Variants in MAST4 observed in about 807,000 individuals in gnomAD.
MAST4 encodes microtubule associated serine/threonine kinase family member 4, also known as microtubule-associated serine/threonine-protein kinase 4.
In MAST4, 89 loss-of-function variants were observed where a neutral mutation model predicts 162.7. The observed-to-expected ratio is 0.55, with a 90% CI of 0.46 to 0.65. The LOEUF (loss-of-function observed/expected upper bound fraction) is 0.65. MAST4 is among the 30% of genes least tolerant of loss of function. The pLI, the probability that MAST4 is intolerant of heterozygous loss-of-function variation, is 0.00. For synonymous variants in MAST4, 1,479 were observed against 1,361.1 expected (o/e 1.09, Z -1.91); for missense variants, 3,153 against 3,374.0 (o/e 0.93, Z 1.62).
chr5:66,639,373 A>G (rs1745338188), intron 1 of MAST4, among the ~76,000 whole-genome samples: 1 of 151,888 alleles, frequency 6.6e-6, no homozygotes, highest in Non-Finnish European at 1.5e-5. Flanking sequence ...GGAAACATAG[A>G]AGAGGAAACA....
intron 1 of MAST4, among the ~76,000 whole-genome samples, chr5:66,705,524 G>C (rs1346484284): frequency 6.6e-6 from 1 of 152,162 alleles, no homozygotes; most frequent in East Asian, 1.9e-4. Flanking sequence ...TGTTTCACAG[G>C]AACGGTTTCA....
intron 1 of MAST4, among the ~76,000 whole-genome samples, chr5:66,689,368 G>A (rs1271878474): frequency 3.9e-5 from 6 of 152,162 alleles, no homozygotes; most frequent in Admixed American, 6.5e-5. Context: ...AAGAGGGGAA[G>A]ATTTGTCTCC....
chr5:66,874,833 A>G (rs1392930816), intron 3 of MAST4, among the ~76,000 whole-genome samples: 3 of 152,154 alleles, frequency 2.0e-5, no homozygotes, highest in Non-Finnish European at 4.4e-5. Context: ...TTTTCTCACT[A>G]CTATAAACCT....
chr5:66,948,545 C>CCT (rs1744296663), intron 4 of MAST4, among the ~76,000 whole-genome samples: 1 of 152,116 alleles, frequency 6.6e-6, no homozygotes, highest in Admixed American at 6.6e-5. Context: ...TTCAGGGCAG[C>CCT]TTGCACCATT....
intron 4 of MAST4, among the ~76,000 whole-genome samples, chr5:67,003,515 T>C (rs1279313504): frequency 1.3e-5 from 2 of 152,238 alleles, no homozygotes; most frequent in Non-Finnish European, 2.9e-5. Flanking sequence ...TAAGCGAGTT[T>C]GTTCCTGGTA....
At position 67,044,750 on chromosome 5, in the gene MAST4, G is replaced by A. The variant is rs142164091; in HGVS notation, c.675-9654G>A. Among the ~76,000 whole-genome samples the A allele has an allele frequency of 3.8e-4, 58 of 152,260 alleles. 1 individual carries two copies. Among genetic ancestry groups the A allele is most frequent in the African/African-American group, 1.3e-3 (53 of 41,560 alleles). The stretch of plus-strand genomic sequence containing the variant: ...CTGGTTTCAGACTCCTGGCCTTAAC[G>A]AGCCTTCCTGCCTTGGCCACCCAAA... On this transcript the variant is annotated intron_variant, in intron 4 of 28. Transcript: ENST00000403625.
At chr5:66,807,142 C>T (rs1334041644) in intron 3 of MAST4, among the ~76,000 whole-genome samples, 1 of 152,126 alleles carries the variant, frequency 6.6e-6, no homozygotes, top group East Asian at 1.9e-4. Context: ...AAAGAGTATC[C>T]ATCCCCTCAA....
chr5:66,643,464 G>T (rs1344758535), intron 1 of MAST4, among the ~76,000 whole-genome samples: 1 of 144,420 alleles, frequency 6.9e-6, no homozygotes. Context: ...AGAATTAAAA[G>T]AGCCACAGTT....
chr5:66,674,143 T>C (rs1747805636), intron 1 of MAST4, among the ~76,000 whole-genome samples: 1 of 152,208 alleles, frequency 6.6e-6, no homozygotes, highest in South Asian at 2.1e-4. Flanking sequence ...AAAATAGGAA[T>C]GGTTATACTG....
intron 3 of MAST4, among the ~76,000 whole-genome samples, chr5:66,829,577 A>G (rs1757460830): frequency 6.6e-6 from 1 of 152,222 alleles, no homozygotes; most frequent in South Asian, 2.1e-4. Context: ...TAAGGAAGCC[A>G]GAACATAAGT....
intron 1 of MAST4, among the ~76,000 whole-genome samples, chr5:66,642,391 A>G (rs1745544704): frequency 6.6e-6 from 1 of 152,236 alleles, no homozygotes; most frequent in South Asian, 2.1e-4. Context: ...ATGTATGAAC[A>G]TTATTTTCAT....
intron 14 of MAST4, among the ~76,000 whole-genome samples, chr5:67,123,764 A>G (rs1320776480): frequency 2.0e-5 from 3 of 152,212 alleles, no homozygotes; most frequent in African/African-American, 7.2e-5. Context: ...GTAAAAAACT[A>G]ATTTTGAAAG....
intron 3 of MAST4, among the ~76,000 whole-genome samples, chr5:66,849,350 C>T (rs1424050097): frequency 6.6e-6 from 1 of 152,160 alleles, no homozygotes; most frequent in African/African-American, 2.4e-5. Flanking sequence ...CCTGAGGAGT[C>T]TCTCCGTTTG....
At chr5:67,049,078 T>TATAC (rs1381641749) in intron 4 of MAST4, among the ~76,000 whole-genome samples, 2,322 of 138,614 alleles carry the variant, frequency 0.017, 121 homozygotes, top group African/African-American at 0.042. Flanking sequence ...TATATATATA[T>TATAC]ACACTACCAT....
rs952762504 is a variant in MAST4, at chr5:67,162,658, C to T, written c.3837C>T (p.His1279=). 2 of 1,613,828 alleles carry T rather than the reference C, an allele frequency of 1.2e-6. No homozygotes were observed. The highest frequency in any genetic ancestry group is 1.7e-6 in the Non-Finnish European group (2 of 1,179,890). Residue 1279 remains histidine, a synonymous_variant, in exon 28 of 29, where the codon CAC becomes CAT. Transcript: ENST00000403625. ...KLAKQPSPLL[H]TSRSFSCLNR... is the part of the protein sequence containing the mutation. Reference sequence around the variant, plus strand: ...CCAAGCAGCCTTCTCCTTTACTCCACACCAGCCGAAGTTTCTCCTGCTTGA... The same window carrying T: ...CCAAGCAGCCTTCTCCTTTACTCCATACCAGCCGAAGTTTCTCCTGCTTGA...
intron 4 of MAST4, among the ~76,000 whole-genome samples, chr5:67,025,182 A>C (rs1188238020): frequency 6.6e-6 from 1 of 152,184 alleles, no homozygotes; most frequent in Non-Finnish European, 1.5e-5. Flanking sequence ...GTAATATTAT[A>C]AAGGAAACCA....
chr5:66,642,477 A>G (rs1482155735), intron 1 of MAST4, among the ~76,000 whole-genome samples: 1 of 152,196 alleles, frequency 6.6e-6, no homozygotes, highest in Non-Finnish European at 1.5e-5. Context: ...AGGAATTACT[A>G]TTCATTTTTT....
intron 5 of MAST4, among the ~76,000 whole-genome samples, chr5:67,063,548 A>C (rs184919718): frequency 1.3e-5 from 2 of 152,016 alleles, no homozygotes; most frequent in Admixed American, 6.5e-5. Flanking sequence ...TCTCTCCTTT[A>C]TTATAAATTA....
At chr5:66,733,413 C>A (rs145129404) in intron 1 of MAST4, among the ~76,000 whole-genome samples, 37 of 152,234 alleles carry the variant, frequency 2.4e-4, no homozygotes, top group African/African-American at 8.4e-4. Flanking sequence ...CACAGAAATT[C>A]ATCTTATAGA....
Sources: allele counts gnomAD v4.1 joint callset (sites outside exome capture counted in the v4.1 genomes callset), GRCh38; gene constraint gnomAD v4.1.1; transcripts MANE v1.5; gene names NCBI Gene and HGNC (gene_info 2026-07-23, HGNC 2026-07-21).